Variants in TACC1 observed in about 807,000 individuals in gnomAD.
TACC1 encodes transforming acidic coiled-coil containing protein 1, also known as transforming acidic coiled-coil-containing protein 1.
A neutral mutation model predicts 84.4 loss-of-function variants in TACC1; 48 were observed. That is an observed-to-expected ratio of 0.57 (90% CI 0.45 to 0.72). TACC1 has a LOEUF of 0.72. Ranked by LOEUF, TACC1 falls within the 30% of genes least tolerant of loss-of-function variation. The pLI is 0.00. For synonymous variants in TACC1, 372 were observed against 376.3 expected (o/e 0.99, Z 0.13); for missense variants, 920 against 973.0 (o/e 0.95, Z 0.72).
In TACC1 at chr8:38,840,278, C is replaced by G; in HGVS notation, c.1960+11C>G. The G allele has an allele frequency of 6.2e-7, 1 of 1,612,066 alleles. No individual in the cohort carries two copies. Among genetic ancestry groups the G allele is most frequent in the Non-Finnish European group, 8.5e-7 (1 of 1,178,454 alleles). On this transcript the variant is annotated intron_variant, in intron 9 of 12. Coordinates refer to ENST00000317827, the MANE Select transcript of TACC1 (RefSeq NM_006283.3). ...TTGCTCAAATGATTGGTAAGGAGAA[C>G]ATTTTGTTTTTTGAGGGTATGAGCC...
chr8:38,847,390 A>G (rs936188396), intron 12 of TACC1, among the ~76,000 whole-genome samples: 1 of 152,246 alleles, frequency 6.6e-6, no homozygotes, highest in African/African-American at 2.4e-5. Flanking sequence ...AGAAACTGCT[A>G]TAGATAAATG....
chr8:38,740,210 G>A (rs373261427), intron 1 of TACC1, among the ~76,000 whole-genome samples: 4 of 152,170 alleles, frequency 2.6e-5, no homozygotes, highest in African/African-American at 7.2e-5. Context: ...CCTCCATCAC[G>A]TGGGATTTGG....
At chr8:38,797,118 G>A (rs927145733) in intron 2 of TACC1, among the ~76,000 whole-genome samples, 2 of 152,274 alleles carry the variant, frequency 1.3e-5, no homozygotes, top group Non-Finnish European at 2.9e-5. Context: ...CTGCTGGGTT[G>A]CTTGAGTATC....
chr8:38,806,387 C>G (rs578140597), intron 2 of TACC1, among the ~76,000 whole-genome samples: 1 of 151,630 alleles, frequency 6.6e-6, no homozygotes, highest in African/African-American at 2.4e-5. Flanking sequence ...ATTGGATGAA[C>G]GAAGATAGCT....
At chr8:38,805,631 G>C (rs934547756) in intron 2 of TACC1, 1 of 152,312 alleles carries the variant, frequency 6.6e-6, no homozygotes, top group African/African-American at 2.4e-5. Context: ...CCAGCACAGG[G>C]TGTGCTGCTG....
intron 3 of TACC1, among the ~76,000 whole-genome samples, chr8:38,778,274 T>TTG (rs3076914): frequency 0.71 from 105,789 of 148,230 alleles, 37,821 homozygotes; most frequent in East Asian, 0.96. Flanking sequence ...ATAATTAAAA[T>TTG]TGTGTGTGTG....
At position 38,849,337 on chromosome 8, in the gene TACC1, G is replaced by A. The variant is rs1032984057; in HGVS notation, c.*1314G>A. 1 of 152,216 alleles carries A rather than the reference G, an allele frequency of 6.6e-6. No individual in the cohort carries two copies. The allele number at this position is 152,216 out of a possible 1,614,324, so 9.4% of individuals were successfully genotyped here. On this transcript the variant is annotated 3_prime_UTR_variant, in exon 13 of 13. Transcript: ENST00000317827. Reference sequence around the variant, plus strand: ...CTCTTACTGGACTCAGTTCAGAGTGGTGGGCCATTAACCCCAACATGGAAT... The same window carrying A: ...CTCTTACTGGACTCAGTTCAGAGTGATGGGCCATTAACCCCAACATGGAAT...
At chr8:38,845,090 A>G (rs1420462864) in intron 11 of TACC1, 1 of 152,146 alleles carries the variant, frequency 6.6e-6, no homozygotes, top group African/African-American at 2.4e-5. Flanking sequence ...ATGCCCAGCT[A>G]ATTTTTGTAT....
At chr8:38,842,732 A>G (rs1185871721) in intron 10 of TACC1, among the ~76,000 whole-genome samples, 5 of 152,212 alleles carry the variant, frequency 3.3e-5, no homozygotes, top group Admixed American at 2.6e-4. Flanking sequence ...AGAACTGTTA[A>G]TTGAACCCTC....
chr8:38,834,658 T>G (rs1829880217), intron 6 of TACC1, among the ~76,000 whole-genome samples: 1 of 152,184 alleles, frequency 6.6e-6, no homozygotes, highest in African/African-American at 2.4e-5. Context: ...TGCTTTTCTG[T>G]GGCCTGAGAC....
At chr8:38,840,371 C>A in intron 9 of TACC1, 104 bp downstream of exon 9, 1 of 1,049,746 alleles carries the variant, frequency 9.5e-7, no homozygotes, top group South Asian at 1.4e-5. Flanking sequence ...TTATAAACAA[C>A]AAACATTTTT....
At position 38,787,711 on chromosome 8, in the gene TACC1, T is replaced by G; in HGVS notation, c.129T>G (p.Asp43Glu). 6.5e-7 allele frequency: 1 copy of G among 1,536,112 alleles called. No homozygotes were observed. Among genetic ancestry groups the G allele is most frequent in the Non-Finnish European group, 8.7e-7 (1 of 1,148,636 alleles). The stretch of plus-strand genomic sequence containing the variant: ...CCGAGGGCGACCCCGAGGAGGAGGA[T>G]TCGCAAGCCGAGACCAAATCCTTGA... ...GGPEGDPEEE[D>E]SQAETKSLSF... Residue 43 changes from aspartate to glutamate, a missense_variant, in exon 1 of 13, where the codon GAT becomes GAG. Asp to Glu is a conservative substitution (Grantham distance 45). Coordinates refer to ENST00000317827, the MANE Select transcript of TACC1 (RefSeq NM_006283.3).
chr8:38,764,143 T>C (rs1040327822), intron 3 of TACC1, among the ~76,000 whole-genome samples: 1 of 152,156 alleles, frequency 6.6e-6, no homozygotes, highest in Non-Finnish European at 1.5e-5. Flanking sequence ...AATGGTGCAA[T>C]CTCAGCTCAC....
chr8:38,784,584 A>C (rs2151962165), upstream of TACC1, among the ~76,000 whole-genome samples: 1 of 151,864 alleles, frequency 6.6e-6, no homozygotes, highest in East Asian at 1.9e-4. Context: ...AAAAAAAAGT[A>C]AATTGCTGCA....
Position 38,819,588 on chromosome 8 carries a change from C to T in TACC1, c.344C>T (p.Ser115Phe). 1 of 1,614,210 alleles carries T rather than the reference C, an allele frequency of 6.2e-7. No homozygotes were observed. The highest frequency in any genetic ancestry group is 1.6e-4 in the Middle Eastern group (1 of 6,062). ...VVEKCSSKTC[S>F]KPSENEVPQQ... The stretch of plus-strand genomic sequence containing the variant: ...GAAAAATGTTCATCTAAGACTTGTT[C>T]TAAACCTTCAGAAAATGAAGTGCCA... The change falls in exon 3 of 13, where the codon TCT becomes TTT. Residue 115 changes from serine (S) to phenylalanine (F), a missense_variant. Ser to Phe is a radical substitution (Grantham distance 155). Transcript: ENST00000317827.
chr8:38,753,395 T>G (rs765004129), intron 3 of TACC1, among the ~76,000 whole-genome samples: 2 of 152,180 alleles, frequency 1.3e-5, no homozygotes, highest in Non-Finnish European at 2.9e-5. Context: ...TGAGCCACCA[T>G]GTCCAGCCTT....
At chr8:38,755,867 T>G (rs1470159468) in intron 3 of TACC1, among the ~76,000 whole-genome samples, 1 of 151,722 alleles carries the variant, frequency 6.6e-6, no homozygotes, top group Non-Finnish European at 1.5e-5. Context: ...CAGGCTGGAG[T>G]GCAGTGGCGC....
At chr8:38,773,132 C>T (rs1319229226) in intron 3 of TACC1, among the ~76,000 whole-genome samples, 4 of 151,838 alleles carry the variant, frequency 2.6e-5, no homozygotes, top group Non-Finnish European at 5.9e-5. Context: ...TTGAGACCAG[C>T]CTGACCAACA....
At chr8:38,846,479 T>C in intron 11 of TACC1, 1 of 459,806 alleles carries the variant, frequency 2.2e-6, no homozygotes, top group East Asian at 4.0e-5. Context: ...TAGAAACCAT[T>C]TGCTAGTGAG....
Sources: gnomAD v4.1 joint callset for allele counts (sites outside exome capture counted in the v4.1 genomes callset) on GRCh38, gnomAD v4.1.1 for gene constraint, MANE v1.5 for transcripts, NCBI Gene and HGNC (gene_info 2026-07-23, HGNC 2026-07-21) for gene names.